The following UNC13C variants were observed in gnomAD, a reference collection of about 807,000 sequenced individuals.
UNC13C encodes the protein protein unc-13 homolog C.
A neutral mutation model predicts 245.4 loss-of-function variants in UNC13C; 174 were observed. The ratio of observed to expected loss-of-function variants is 0.71; its 90% CI spans 0.63 to 0.80. UNC13C has a LOEUF of 0.80. Ranked by LOEUF, UNC13C falls within the 30% of genes least tolerant of loss-of-function variation. The pLI is 0.00. For missense variants in UNC13C, 2,829 were observed against 2,602.9 expected (o/e 1.09, Z -1.89); for synonymous variants, 992 against 895.1 (o/e 1.11, Z -1.93).
chr15:54,393,428 A>G (rs2040005451), intron 18 of UNC13C, among the ~76,000 whole-genome samples: 2 of 151,936 alleles, frequency 1.3e-5, no homozygotes, highest in East Asian at 1.9e-4. Flanking sequence ...ATGTTTATGT[A>G]ATGTAAAACT....
intron 13 of UNC13C, among the ~76,000 whole-genome samples, chr15:54,313,207 A>G (rs2037920372): frequency 6.6e-6 from 1 of 151,832 alleles, no homozygotes; most frequent in South Asian, 2.1e-4. Context: ...TTCGCCTTCA[A>G]AGTAGCCATT....
chr15:54,358,666 T>C (rs2039155351), intron 17 of UNC13C, among the ~76,000 whole-genome samples: 1 of 152,154 alleles, frequency 6.6e-6, no homozygotes, highest in African/African-American at 2.4e-5. Context: ...TTTTGTATGC[T>C]GCGGCTTTAC....
Position 54,546,731 on chromosome 15 carries a change from C to T in UNC13C, c.5706C>T (p.Leu1902=). Residue 1902 remains leucine, a synonymous_variant, in exon 27 of 33, where the codon CTC becomes CTT. Coordinates refer to ENST00000260323, the MANE Select transcript of UNC13C (RefSeq NM_001080534.3). Reference sequence around the variant, plus strand: ...TATATTTTTTTTTCAGATTAAGTCTCTCAGCAAAAATCTGTGAGAAAACAG... The same window carrying T: ...TATATTTTTTTTTCAGATTAAGTCTTTCAGCAAAAATCTGTGAGAAAACAG... The part of the protein sequence containing the change: ...LMDFLDKTLS[L]SAKICEKTVL... The T allele has an allele frequency of 6.7e-7, 1 of 1,497,264 alleles. No individual in the cohort carries two copies. Among genetic ancestry groups the T allele is most frequent in the African/African-American group, 1.4e-5 (1 of 69,670 alleles). The allele number at this position is 1,497,264 out of a possible 1,614,324, so 92.7% of individuals were successfully genotyped here.
At chr15:54,160,884 T>A (rs2032946656) in intron 4 of UNC13C, among the ~76,000 whole-genome samples, 1 of 152,202 alleles carries the variant, frequency 6.6e-6, no homozygotes, top group Non-Finnish European at 1.5e-5. Flanking sequence ...TAAATTTTTA[T>A]GATAAAGCTA....
At chr15:54,063,257 A>G (rs1438680466) in intron 2 of UNC13C, among the ~76,000 whole-genome samples, 1 of 152,176 alleles carries the variant, frequency 6.6e-6, no homozygotes, top group African/African-American at 2.4e-5. Context: ...ATATGCTTTA[A>G]GTAAATGAGA....
intron 2 of UNC13C, among the ~76,000 whole-genome samples, chr15:54,082,190 T>G (rs1898979306): frequency 6.6e-6 from 1 of 152,166 alleles, no homozygotes; most frequent in Non-Finnish European, 1.5e-5. Flanking sequence ...CTTTACTCTA[T>G]GCCTTCAAGT....
rs1566947750 is a variant in UNC13C, at chr15:54,626,875, C to T, written c.6407C>T (p.Ser2136Leu). 1.2e-6 allele frequency: 2 copies of T among 1,613,176 alleles called. No individual in the cohort carries two copies. Among genetic ancestry groups the T allele is most frequent in the East Asian group, 2.2e-5 (1 of 44,822 alleles). The change falls in exon 33 of 33, where the codon TCA (serine) becomes TTA (leucine). Residue 2136 changes from serine (S) to leucine (L), a missense_variant. Coordinates refer to ENST00000260323, the MANE Select transcript of UNC13C (RefSeq NM_001080534.3). ...CCAGGGGCTTATGAACTTCATCTCT[C>T]AGTTAAGGATTACTGCTTTGCCAGA... ...NRPGAYELHLSVKDYCFARED... is the reference protein window; with the variant it reads ...NRPGAYELHLLVKDYCFARED...
the UNC13C span, among the ~76,000 whole-genome samples, chr15:53,849,420 T>C: frequency 6.6e-6 from 1 of 152,198 alleles, no homozygotes; most frequent in Non-Finnish European, 1.5e-5. Flanking sequence ...ATGGTCTACC[T>C]TCAAATAATA....
chr15:54,117,779 C>T (rs2030373846), intron 2 of UNC13C, among the ~76,000 whole-genome samples: 1 of 152,026 alleles, frequency 6.6e-6, no homozygotes, highest in Non-Finnish European at 1.5e-5. Flanking sequence ...TGGGATTTTG[C>T]CATGTTGCCC....
intron 19 of UNC13C, among the ~76,000 whole-genome samples, chr15:54,459,454 A>C (rs1248790109): frequency 6.6e-6 from 1 of 152,178 alleles, no homozygotes; most frequent in Non-Finnish European, 1.5e-5. Context: ...TAGCAGGATC[A>C]GGGGAGTAAT....
At chr15:54,102,066 A>G (rs1900193169) in intron 2 of UNC13C, among the ~76,000 whole-genome samples, 1 of 149,886 alleles carries the variant, frequency 6.7e-6, no homozygotes, top group Admixed American at 6.7e-5. Flanking sequence ...TGTGTGAAGT[A>G]TCTAAGACGT....
intron 17 of UNC13C, among the ~76,000 whole-genome samples, chr15:54,352,297 T>C (rs536557956): frequency 1.4e-5 from 2 of 146,128 alleles, no homozygotes; most frequent in East Asian, 4.1e-4. Flanking sequence ...TAATTATATT[T>C]ATATAATTAA....
chr15:54,229,082 C>G (rs982562516), intron 4 of UNC13C, among the ~76,000 whole-genome samples: 22 of 152,192 alleles, frequency 1.4e-4, no homozygotes, highest in African/African-American at 5.3e-4. Flanking sequence ...TCTGTGGGCA[C>G]TGGCTGAGTT....
intron 4 of UNC13C, among the ~76,000 whole-genome samples, chr15:54,195,035 T>C (rs1221833473): frequency 6.6e-6 from 1 of 152,140 alleles, no homozygotes; most frequent in Non-Finnish European, 1.5e-5. Context: ...TTGAGTTGGG[T>C]TAGCTTTTCA....
chr15:54,302,245 A>C (rs148336229), intron 13 of UNC13C, among the ~76,000 whole-genome samples: 1 of 151,908 alleles, frequency 6.6e-6, no homozygotes, highest in African/African-American at 2.4e-5. Flanking sequence ...TAGGTTGCCT[A>C]TTCACTCTGA....
intron 4 of UNC13C, among the ~76,000 whole-genome samples, chr15:54,216,254 G>A (rs576807795): frequency 7.9e-4 from 120 of 151,948 alleles, no homozygotes; most frequent in African/African-American, 2.7e-3. Flanking sequence ...TATTTTCTTC[G>A]CAGCTCATTT....
At position 54,306,219 on chromosome 15, in the gene UNC13C, C is replaced by T. The variant is rs76540827; in HGVS notation, c.4268+5846C>T. Among the ~76,000 whole-genome samples the T allele has an allele frequency of 2.3e-3, 347 of 152,080 alleles. 8 individuals carry two copies. The East Asian group carries it at 0.061, about 27-fold the overall frequency. On this transcript the variant is annotated intron_variant, in intron 13 of 32. Coordinates refer to ENST00000260323, the MANE Select transcript of UNC13C (RefSeq NM_001080534.3). The stretch of plus-strand genomic sequence containing the variant: ...TTTCTGTGAGGGTACCATTTATTAG[C>T]CCTACCTGTTACATAAAAATGACCC...
chr15:53,873,774 C>G, the UNC13C span, among the ~76,000 whole-genome samples: 126 of 1,246 alleles, frequency 0.1, no homozygotes, highest in Non-Finnish European at 0.11. Flanking sequence ...TGAACCCCCA[C>G]GATCAAATGA....
chr15:54,058,572 A>G (rs1344166585), intron 2 of UNC13C, among the ~76,000 whole-genome samples: 2 of 152,186 alleles, frequency 1.3e-5, no homozygotes, highest in African/African-American at 4.8e-5. Context: ...AACTATTCCA[A>G]TCAATAGAAA....
Sources: allele counts gnomAD v4.1 joint callset (sites outside exome capture counted in the v4.1 genomes callset), GRCh38; gene constraint gnomAD v4.1.1; transcripts MANE v1.5; gene names NCBI Gene and HGNC (gene_info 2026-07-23, HGNC 2026-07-21).